Variants in CADM2 observed in about 807,000 individuals in gnomAD.
CADM2 encodes immunoglobulin superfamily member 4D.
Under a neutral mutation model 49.8 loss-of-function variants are expected in CADM2, and 12 were observed. The observed-to-expected ratio is 0.24, with a 90% confidence interval of 0.15 to 0.39. The LOEUF (loss-of-function observed/expected upper bound fraction) is 0.39, where lower values mean the gene tolerates loss of function less well. CADM2 is among the 10% of genes least tolerant of loss of function. The pLI, the probability that CADM2 is intolerant of heterozygous loss-of-function variation, is 1.00. For missense variants in CADM2, 378 were observed against 492.3 expected (o/e 0.77, Z 2.20); for synonymous variants, 214 against 175.4 (o/e 1.22, Z -1.74).
At chr3:85,281,550 T>A (rs1306346786) in intron 1 of CADM2, among the ~76,000 whole-genome samples, 1 of 152,086 alleles carries the variant, frequency 6.6e-6, no homozygotes, top group East Asian at 1.9e-4. Flanking sequence ...TAATTGCCTG[T>A]TTAAACACAT....
intron 1 of CADM2, among the ~76,000 whole-genome samples, chr3:85,442,708 T>G (rs1171782784): frequency 6.7e-6 from 1 of 148,752 alleles, no homozygotes; most frequent in East Asian, 2.0e-4. Flanking sequence ...TTGCAGCCCT[T>G]TAAGTGTTAA....
intron 1 of CADM2, among the ~76,000 whole-genome samples, chr3:85,307,920 A>G (rs2044251526): frequency 6.6e-6 from 1 of 150,400 alleles, no homozygotes; most frequent in South Asian, 2.1e-4. Context: ...TTTTTTCCAA[A>G]ACTGTACCCC....
chr3:85,456,719 A>G (rs2038007590), intron 1 of CADM2, among the ~76,000 whole-genome samples: 1 of 152,060 alleles, frequency 6.6e-6, no homozygotes, highest in Admixed American at 6.6e-5. Flanking sequence ...GTAATATTTA[A>G]GTCTATAGGC....
chr3:85,431,197 A>G (rs550824013), intron 1 of CADM2, among the ~76,000 whole-genome samples: 4 of 152,258 alleles, frequency 2.6e-5, no homozygotes, highest in African/African-American at 9.6e-5. Flanking sequence ...CAGATAGAGT[A>G]GGTGTGATGT....
At chr3:85,118,802 T>A (rs1397828801) in intron 1 of CADM2, among the ~76,000 whole-genome samples, 1 of 152,184 alleles carries the variant, frequency 6.6e-6, no homozygotes, top group Admixed American at 6.5e-5. Context: ...CAGGCTGGAG[T>A]GCAATGGCGC....
intron 1 of CADM2, among the ~76,000 whole-genome samples, chr3:85,685,213 T>A (rs561518912): frequency 6.6e-6 from 1 of 152,248 alleles, no homozygotes; most frequent in South Asian, 2.1e-4. Flanking sequence ...TGTCAGTAAT[T>A]TATTTCAGAC....
At chr3:85,015,596 C>T (rs1402716818) in intron 1 of CADM2, among the ~76,000 whole-genome samples, 3 of 152,082 alleles carry the variant, frequency 2.0e-5, no homozygotes, top group Non-Finnish European at 4.4e-5. Flanking sequence ...ATAATGCCTG[C>T]CAACAAGAAA....
intron 2 of CADM2, among the ~76,000 whole-genome samples, chr3:85,774,350 AG>A (rs1253076232): frequency 6.6e-6 from 1 of 151,822 alleles, no homozygotes; most frequent in East Asian, 1.9e-4. Context: ...TCTTAACATA[AG>A]AAAAAGGCAA....
At chr3:85,168,313 C>A (rs2040525891) in intron 1 of CADM2, among the ~76,000 whole-genome samples, 1 of 152,132 alleles carries the variant, frequency 6.6e-6, no homozygotes, top group African/African-American at 2.4e-5. Flanking sequence ...CCTTGGCCTC[C>A]CAAAGTGCTG....
rs556496997 is a variant in CADM2 at position 85,502,386 on chromosome 3, C to G, written c.62-224136C>G. On this transcript the variant is annotated intron_variant, in intron 1 of 9. Coordinates refer to ENST00000383699, the MANE Select transcript of CADM2 (RefSeq NM_001167675.2). The stretch of plus-strand genomic sequence containing the variant: ...TGAATTACTTTGGTCGTTGGCTACT[C>G]TTAAGGAGGAAAAAGGAAAGGGAAT... Among the ~76,000 whole-genome samples, 19 of 151,786 alleles carry G rather than the reference C, an allele frequency of 1.3e-4. No individual in the cohort carries two copies. In the South Asian group the frequency reaches 3.9e-3, roughly 32 times the overall value.
intron 1 of CADM2, among the ~76,000 whole-genome samples, chr3:85,521,193 G>A (rs1278275739): frequency 6.6e-6 from 1 of 152,092 alleles, no homozygotes; most frequent in Non-Finnish European, 1.5e-5. Context: ...AGCTATTTTA[G>A]AACAGATTTC....
At chr3:85,996,744 T>G in intron 8 of CADM2, among the ~76,000 whole-genome samples, 1 of 152,304 alleles carries the variant, frequency 6.6e-6, no homozygotes, top group Admixed American at 6.5e-5. Flanking sequence ...TTATTTACTA[T>G]ACATCCCCAT....
chr3:85,846,818 T>C (rs2074902685), intron 3 of CADM2, among the ~76,000 whole-genome samples: 2 of 152,166 alleles, frequency 1.3e-5, no homozygotes, highest in Non-Finnish European at 2.9e-5. Flanking sequence ...GCTATGATCA[T>C]GCCACAGTAC....
At chr3:85,520,884 G>C (rs967124887) in intron 1 of CADM2, among the ~76,000 whole-genome samples, 7 of 151,966 alleles carry the variant, frequency 4.6e-5, no homozygotes, top group Non-Finnish European at 7.4e-5. Flanking sequence ...AAAGTTTTTG[G>C]AATGGCTTCT....
chr3:85,553,344 A>G (rs945787733), intron 1 of CADM2, among the ~76,000 whole-genome samples: 18 of 152,114 alleles, frequency 1.2e-4, no homozygotes, highest in Non-Finnish European at 2.2e-4. Context: ...TCTTAATTGT[A>G]TACAAGAAGC....
intron 1 of CADM2, among the ~76,000 whole-genome samples, chr3:85,029,402 G>A (rs2034881071): frequency 6.6e-6 from 1 of 152,154 alleles, no homozygotes; most frequent in Non-Finnish European, 1.5e-5. Context: ...TGGGCCGAGA[G>A]TCTCTTTGTT....
intron 1 of CADM2, among the ~76,000 whole-genome samples, chr3:84,972,821 C>T: frequency 6.6e-6 from 1 of 152,032 alleles, no homozygotes; most frequent in South Asian, 2.1e-4. Context: ...GAGTCTCTGC[C>T]CTTATGGAGT....
intron 1 of CADM2, among the ~76,000 whole-genome samples, chr3:84,990,178 C>A (rs2032800859): frequency 6.6e-6 from 1 of 151,508 alleles, no homozygotes; most frequent in South Asian, 2.1e-4. Context: ...TAAATGAGTG[C>A]CTGTATAATT....
At chr3:85,836,778 A>G (rs1036570629) in intron 3 of CADM2, among the ~76,000 whole-genome samples, 1 of 151,610 alleles carries the variant, frequency 6.6e-6, no homozygotes, top group African/African-American at 2.4e-5. Context: ...CATGAAACTA[A>G]GTATCAATCT....
Sources: allele counts gnomAD v4.1 joint callset (sites outside exome capture counted in the v4.1 genomes callset), GRCh38; gene constraint gnomAD v4.1.1; transcripts MANE v1.5; gene names NCBI Gene and HGNC (gene_info 2026-07-23, HGNC 2026-07-21).